The following TRDN variants were observed in gnomAD, a reference collection of about 807,000 sequenced individuals.
TRDN encodes the protein triadin in skeletal muscle.
A neutral mutation model predicts 149.7 loss-of-function variants in TRDN; 161 were observed. The observed-to-expected ratio is 1.08, with a 90% CI of 0.95 to 1.23. The LOEUF (loss-of-function observed/expected upper bound fraction) is 1.23, where lower values mean the gene tolerates loss of function less well. TRDN is among the 50% of genes most tolerant of loss of function. The pLI is 0.00. For missense variants in TRDN, 896 were observed against 823.5 expected, an observed-to-expected ratio of 1.09 and a Z score of -1.08; for synonymous variants, 294 against 250.5, an observed-to-expected ratio of 1.17 and a Z score of -1.64.
At chr6:123,431,516 AT>A in intron 12 of TRDN, among the ~76,000 whole-genome samples, 1 of 152,288 alleles carries the variant, frequency 6.6e-6, no homozygotes, top group Non-Finnish European at 1.5e-5. Flanking sequence ...CCAAATACAT[AT>A]TTGCAAAACT....
In TRDN at chr6:123,216,494, A is replaced by C. The variant is rs1774975427; in HGVS notation, c.*2107T>G. ...TTATAGCTGATTTGTCTAAATTCTA[A>C]TTACAATAAAATATATCGTTTTATC... On this transcript the variant is annotated 3_prime_UTR_variant, in exon 41 of 41. Coordinates refer to ENST00000334268, the MANE Select transcript of TRDN (RefSeq NM_006073.4). 1.3e-5 allele frequency: 2 copies of C among 151,962 alleles called. No homozygotes were observed. Among genetic ancestry groups the C allele is most frequent in the Non-Finnish European group, 2.9e-5 (2 of 67,930 alleles). 9.4% of individuals were successfully genotyped at this position (151,962 alleles called of 1,614,324 possible).
At chr6:123,256,262 A>G (rs563508252) in intron 35 of TRDN, among the ~76,000 whole-genome samples, 2 of 152,302 alleles carry the variant, frequency 1.3e-5, no homozygotes, top group East Asian at 3.9e-4. Flanking sequence ...TGCAAAGGAC[A>G]TGAACTCATT....
intron 22 of TRDN, among the ~76,000 whole-genome samples, chr6:123,335,185 T>C (rs1779815925): frequency 6.6e-6 from 1 of 151,844 alleles, no homozygotes; most frequent in African/African-American, 2.4e-5. Context: ...ATGAAATTCT[T>C]CTAAAACAGT....
At chr6:123,578,687 G>A (rs935695295) in intron 1 of TRDN, among the ~76,000 whole-genome samples, 8 of 152,154 alleles carry the variant, frequency 5.3e-5, no homozygotes, top group Admixed American at 1.3e-4. Context: ...CTAGTTCTGT[G>A]AAGAATGTCA....
At chr6:123,232,093 A>G (rs78328012) in intron 38 of TRDN, among the ~76,000 whole-genome samples, 1,760 of 152,152 alleles carry the variant, frequency 0.012, 38 homozygotes, top group South Asian at 0.076. Flanking sequence ...TGTAGAAAAC[A>G]AAACTGGATG....
chr6:123,242,319 T>C (rs966703472), intron 38 of TRDN, among the ~76,000 whole-genome samples: 15 of 152,158 alleles, frequency 9.9e-5, no homozygotes, highest in Non-Finnish European at 2.9e-5. Context: ...TGGTGTTATT[T>C]AAATTTTAAG....
intron 7 of TRDN, among the ~76,000 whole-genome samples, 163 bp from the exon 8 acceptor site, chr6:123,504,064 A>G (rs896404580): frequency 1.3e-5 from 2 of 151,720 alleles, no homozygotes; most frequent in Admixed American, 6.6e-5. Context: ...AATGAAAAAT[A>G]CTGTTCTTAA....
intron 1 of TRDN, among the ~76,000 whole-genome samples, chr6:123,625,644 T>C (rs528388564): frequency 6.6e-6 from 1 of 152,296 alleles, no homozygotes; most frequent in East Asian, 1.9e-4. Flanking sequence ...CTTGAGGTCA[T>C]GGATACCCCG....
chr6:123,296,423 C>T (rs1360715519), intron 24 of TRDN, among the ~76,000 whole-genome samples: 1 of 152,052 alleles, frequency 6.6e-6, no homozygotes, highest in Non-Finnish European at 1.5e-5. Context: ...AAGAAAATAT[C>T]ATAAGGACTT....
chr6:123,398,435 C>T (rs369082226), intron 12 of TRDN, among the ~76,000 whole-genome samples: 2 of 152,262 alleles, frequency 1.3e-5, no homozygotes, highest in African/African-American at 4.8e-5. Flanking sequence ...AAAACCTTGA[C>T]CCCTCAAAAT....
chr6:123,403,882 G>C (rs1773088225), intron 12 of TRDN, among the ~76,000 whole-genome samples: 1 of 152,218 alleles, frequency 6.6e-6, no homozygotes, highest in East Asian at 1.9e-4. Flanking sequence ...AAAATAGTGA[G>C]ATAAAAGATA....
intron 4 of TRDN, among the ~76,000 whole-genome samples, chr6:123,534,620 C>G (rs1780428497): frequency 6.6e-6 from 1 of 152,072 alleles, no homozygotes; most frequent in Non-Finnish European, 1.5e-5. Flanking sequence ...CTCTTTCCAG[C>G]TAAGGCTATA....
intron 7 of TRDN, among the ~76,000 whole-genome samples, chr6:123,512,067 C>G (rs544160750): frequency 1.7e-4 from 26 of 150,252 alleles, no homozygotes; most frequent in Non-Finnish European, 1.8e-4. Flanking sequence ...TTATGGGGCT[C>G]AAAATTCTGT....
intron 12 of TRDN, among the ~76,000 whole-genome samples, chr6:123,405,603 G>A (rs575964167): frequency 2.0e-5 from 3 of 152,232 alleles, no homozygotes; most frequent in South Asian, 2.1e-4. Context: ...ATTACATGAC[G>A]AGGCCGGAAA....
chr6:123,273,474 T>A (rs1158305127), intron 27 of TRDN, 111 bp from the exon 28 acceptor site: 1 of 481,198 alleles, frequency 2.1e-6, no homozygotes, highest in Non-Finnish European at 3.0e-6. Flanking sequence ...TAGCTTTAAA[T>A]AGTACTGGGT....
chr6:123,534,523 T>G (rs1295485357), intron 4 of TRDN, among the ~76,000 whole-genome samples: 1 of 152,256 alleles, frequency 6.6e-6, no homozygotes, highest in East Asian at 1.9e-4. Context: ...CAAGCTCCTG[T>G]CCAATTCAGT....
chr6:123,289,015 G>C (rs1298324684), intron 24 of TRDN, among the ~76,000 whole-genome samples: 8 of 102,466 alleles, frequency 7.8e-5, no homozygotes, highest in African/African-American at 2.1e-4. Flanking sequence ...AAAATGTGGG[G>C]GGTGTGTGTG....
chr6:123,544,246 TACACACACACACAC>T (rs71021453), intron 4 of TRDN, among the ~76,000 whole-genome samples: 66,601 of 144,296 alleles, frequency 0.46, 15,536 homozygotes, highest in African/African-American at 0.49. Context: ...CATCTGTACA[TACACACACACACAC>T]ACACACACAC....
At chr6:123,583,025 GAGA>G (rs764369531) in intron 1 of TRDN, among the ~76,000 whole-genome samples, 6 of 152,296 alleles carry the variant, frequency 3.9e-5, no homozygotes, top group Non-Finnish European at 5.9e-5. Flanking sequence ...AACGGAATAA[GAGA>G]AGGAGAAAAA....
Sources: allele counts gnomAD v4.1 joint callset (sites outside exome capture counted in the v4.1 genomes callset), GRCh38; gene constraint gnomAD v4.1.1; transcripts MANE v1.5; gene names NCBI Gene and HGNC (gene_info 2026-07-23, HGNC 2026-07-21).